HS3ST5: variants seen among roughly 807,000 people sequenced by gnomAD.
HS3ST5 encodes the protein heparan sulfate glucosamine 3-O-sulfotransferase 5.
Under a neutral mutation model 25.4 loss-of-function variants are expected in HS3ST5, and 10 were observed. That is an observed-to-expected ratio of 0.39 (90% CI 0.24 to 0.67). HS3ST5 has a LOEUF of 0.67. Ranked by LOEUF, HS3ST5 falls within the 30% of genes least tolerant of loss-of-function variation. The probability of loss-of-function intolerance (pLI) is 0.44; values close to 1 mark genes in which losing one functional copy is unlikely to be tolerated. For missense variants in HS3ST5, 324 were observed against 420.7 expected (o/e 0.77, Z 2.01); for synonymous variants, 170 against 162.4 (o/e 1.05, Z -0.36).
chr6:114,341,207 A>AG (rs1562281372), intron 1 of HS3ST5, among the ~76,000 whole-genome samples: 68 of 54,170 alleles, frequency 1.3e-3, no homozygotes, highest in Non-Finnish European at 2.0e-3. Context: ...AGGGAGAGGG[A>AG]ATAGGGAGAG....
intron 3 of HS3ST5, among the ~76,000 whole-genome samples, chr6:114,090,217 C>T (rs917329846): frequency 6.6e-6 from 1 of 152,170 alleles, no homozygotes; most frequent in Non-Finnish European, 1.5e-5. Flanking sequence ...CACAGGAAAT[C>T]TATGCACCTT....
chr6:114,273,529 G>A (rs770696744), intron 1 of HS3ST5, among the ~76,000 whole-genome samples: 11 of 151,956 alleles, frequency 7.2e-5, no homozygotes, highest in East Asian at 3.9e-4. Context: ...GACATCCAGC[G>A]TCTGAGCCTT....
At chr6:114,066,564 C>T (rs749495562) in intron 3 of HS3ST5, among the ~76,000 whole-genome samples, 2 of 152,034 alleles carry the variant, frequency 1.3e-5, no homozygotes, top group Non-Finnish European at 2.9e-5. Context: ...ACCCGGGAGG[C>T]GGAGGTTGTA....
chr6:114,296,921 G>A (rs951845725), intron 1 of HS3ST5, among the ~76,000 whole-genome samples: 2 of 152,160 alleles, frequency 1.3e-5, no homozygotes, highest in Non-Finnish European at 2.9e-5. Flanking sequence ...CAGGAGCTTG[G>A]AGGATAACAC....
chr6:114,119,502 A>G (rs1776680388), intron 3 of HS3ST5, among the ~76,000 whole-genome samples: 1 of 152,204 alleles, frequency 6.6e-6, no homozygotes, highest in Non-Finnish European at 1.5e-5. Context: ...AATGTTAAGG[A>G]CAACATGAAA....
At chr6:114,138,218 G>A (rs1357824618) in intron 3 of HS3ST5, among the ~76,000 whole-genome samples, 1 of 152,132 alleles carries the variant, frequency 6.6e-6, no homozygotes, top group Non-Finnish European at 1.5e-5. Context: ...GATAGTTCTA[G>A]GTGCTGGGAA....
Position 114,105,212 on chromosome 6 carries a change from G to A in HS3ST5, c.-32-42335C>T, listed in dbSNP as rs148981402. Among the ~76,000 whole-genome samples the A allele has an allele frequency of 3.4e-3, 513 of 152,284 alleles. 3 individuals carry two copies. Among genetic ancestry groups the A allele is most frequent in the African/African-American group, 0.012 (501 of 41,562 alleles). On this transcript the variant is annotated intron_variant, in intron 3 of 4. Coordinates refer to ENST00000312719, the MANE Select transcript of HS3ST5 (RefSeq NM_153612.4). ...AATGTCTATGGACAGCTTCAGGAGC[G>A]CTGAAAAGTGATATATAATCCCTCC...
chr6:114,190,520 G>A (rs1283487294), intron 2 of HS3ST5, among the ~76,000 whole-genome samples: 1 of 152,156 alleles, frequency 6.6e-6, no homozygotes, highest in Non-Finnish European at 1.5e-5. Context: ...TTCACTGGGG[G>A]TTGGAAGGTA....
At chr6:114,145,374 A>G (rs999410784) in intron 3 of HS3ST5, among the ~76,000 whole-genome samples, 4 of 152,208 alleles carry the variant, frequency 2.6e-5, no homozygotes, top group Non-Finnish European at 4.4e-5. Flanking sequence ...TTCGAGTTTC[A>G]TCTCAGGTAT....
chr6:114,285,541 T>C (rs1382551613), intron 1 of HS3ST5, among the ~76,000 whole-genome samples: 1 of 152,030 alleles, frequency 6.6e-6, no homozygotes, highest in Non-Finnish European at 1.5e-5. Context: ...GAATGAACCT[T>C]GAAGACATTG....
At chr6:114,139,687 A>C (rs943458231) in intron 3 of HS3ST5, among the ~76,000 whole-genome samples, 3 of 152,170 alleles carry the variant, frequency 2.0e-5, no homozygotes, top group African/African-American at 7.2e-5. Flanking sequence ...CCTGTCATAG[A>C]ATCTGCATCT....
chr6:114,309,190 C>A (rs2114837590), intron 1 of HS3ST5, among the ~76,000 whole-genome samples: 1 of 152,250 alleles, frequency 6.6e-6, no homozygotes, highest in South Asian at 2.1e-4. Context: ...AATCTTTTCA[C>A]AGAATACATA....
chr6:114,110,861 G>A (rs1317687494), intron 3 of HS3ST5, among the ~76,000 whole-genome samples: 3 of 152,092 alleles, frequency 2.0e-5, no homozygotes, highest in Non-Finnish European at 2.9e-5. Flanking sequence ...TATGTATAGT[G>A]TACTATTTTC....
At chr6:114,301,812 C>G (rs1217317722) in intron 1 of HS3ST5, among the ~76,000 whole-genome samples, 1 of 152,122 alleles carries the variant, frequency 6.6e-6, no homozygotes, top group African/African-American at 2.4e-5. Flanking sequence ...CATGACACAG[C>G]CTGCCACATG....
intron 3 of HS3ST5, among the ~76,000 whole-genome samples, chr6:114,092,678 T>G (rs889198081): frequency 7.3e-6 from 1 of 136,144 alleles, no homozygotes; most frequent in Non-Finnish European, 1.6e-5. Context: ...TTATTTATTT[T>G]GTTTTTTTTT....
chr6:114,135,740 AT>A (rs1258392813), intron 3 of HS3ST5, among the ~76,000 whole-genome samples: 1 of 152,196 alleles, frequency 6.6e-6, no homozygotes, highest in Non-Finnish European at 1.5e-5. Context: ...CATGCCAGGC[AT>A]AGTGTTTATT....
intron 3 of HS3ST5, among the ~76,000 whole-genome samples, chr6:114,075,446 A>G (rs1354935492): frequency 1.3e-5 from 2 of 152,184 alleles, no homozygotes; most frequent in Non-Finnish European, 2.9e-5. Flanking sequence ...ACCACATGCA[A>G]AGTGAAGTCT....
At position 114,058,020 on chromosome 6, in the gene HS3ST5, G is replaced by A. The variant is rs148289240; in HGVS notation, c.278C>T (p.Ala93Val). Residue 93 changes from alanine to valine, a missense_variant, in exon 5 of 5, where the codon GCC becomes GTC. This residue lies in a region of HS3ST5 where 203 missense variants were observed against 303.4 expected (regional missense o/e 0.67). Coordinates refer to ENST00000312719, the MANE Select transcript of HS3ST5 (RefSeq NM_153612.4). ...LHDLVQQLPK[A>V]IIIGVRKGGT... Reference sequence around the variant, plus strand: ...TCCTTTCCTCACCCCAATGATAATGGCCTTGGGGAGCTGCTGGACCAGGTC... The same window carrying A: ...TCCTTTCCTCACCCCAATGATAATGACCTTGGGGAGCTGCTGGACCAGGTC... 1.2e-3 allele frequency: 1,909 copies of A among 1,614,156 alleles called. 1 individual carries two copies. The highest frequency in any genetic ancestry group is 1.5e-3 in the Non-Finnish European group (1,828 of 1,180,028).
intron 1 of HS3ST5, among the ~76,000 whole-genome samples, chr6:114,317,426 A>G (rs1775785984): frequency 6.6e-6 from 1 of 152,182 alleles, no homozygotes; most frequent in Admixed American, 6.5e-5. Context: ...CTTAAGAATG[A>G]GGTGCTAACT....
Sources: allele counts gnomAD v4.1 joint callset (sites outside exome capture counted in the v4.1 genomes callset), GRCh38; gene constraint gnomAD v4.1.1; regional missense constraint gnomAD v4.1.1; transcripts MANE v1.5; gene names NCBI Gene and HGNC (gene_info 2026-07-23, HGNC 2026-07-21).